The following CCDC171 variants were observed in gnomAD, a reference collection of about 807,000 sequenced individuals.
CCDC171 encodes the protein coiled-coil domain containing 171, also known as coiled-coil domain-containing protein 171.
A neutral mutation model predicts 168.2 loss-of-function variants in CCDC171; 177 were observed. That is an observed-to-expected ratio of 1.05 (90% CI 0.93 to 1.19). CCDC171 has a LOEUF of 1.19. CCDC171 is among the 50% of genes most tolerant of loss of function. The probability of loss-of-function intolerance (pLI) is 0.00; values close to 1 mark genes in which losing one functional copy is unlikely to be tolerated. For synonymous variants in CCDC171, 687 were observed against 540.8 expected (o/e 1.27, Z -3.75); for missense variants, 1,991 against 1,539.0 (o/e 1.29, Z -4.91).
In CCDC171 at chr9:15,559,152, AC is replaced by A. The variant is rs773966268; in HGVS notation, c.-111-4825del. ...TTTGCTGAGGAGTGCTTTACTTCCA[AC>A]TATGTGGTCAATTTTGGAATAAGTG... is the stretch of plus-strand genomic sequence containing the variant. On this transcript the variant is annotated intron_variant, in intron 1 of 25. Coordinates refer to ENST00000380701, the MANE Select transcript of CCDC171 (RefSeq NM_173550.4). Among the ~76,000 whole-genome samples, 31 of 152,124 alleles carry A rather than the reference AC, an allele frequency of 2.0e-4. 1 individual carries two copies. The highest frequency in any genetic ancestry group is 4.6e-4 in the Non-Finnish European group (31 of 68,002).
chr9:15,579,815 A>G (rs1215189822), intron 4 of CCDC171, among the ~76,000 whole-genome samples: 2 of 152,142 alleles, frequency 1.3e-5, no homozygotes, highest in Non-Finnish European at 2.9e-5. Context: ...CTTTGTATTG[A>G]TGTGTAGTAT....
chr9:16,023,743 A>T (rs1833220346), intron 6 of CCDC171, among the ~76,000 whole-genome samples: 1 of 151,938 alleles, frequency 6.6e-6, no homozygotes, highest in South Asian at 2.1e-4. Flanking sequence ...TCAGTATTTG[A>T]TCATCTCAAG....
At chr9:16,036,736 C>T (rs919839881) in intron 8 of CCDC171, among the ~76,000 whole-genome samples, 2 of 152,214 alleles carry the variant, frequency 1.3e-5, no homozygotes, top group Non-Finnish European at 2.9e-5. Context: ...AACCAAGAAT[C>T]CAATGCCTTA....
intron 11 of CCDC171, among the ~76,000 whole-genome samples, chr9:15,712,216 A>C (rs1404872223): frequency 6.6e-6 from 1 of 152,212 alleles, no homozygotes; most frequent in Non-Finnish European, 1.5e-5. Flanking sequence ...TTCAGATGTT[A>C]ATCTCCCTTG....
chr9:15,811,316 T>TA (rs1193539003), intron 21 of CCDC171, among the ~76,000 whole-genome samples: 3 of 152,204 alleles, frequency 2.0e-5, no homozygotes, highest in Non-Finnish European at 2.9e-5. Context: ...TATAATTAGA[T>TA]ACAGCATACC....
At chr9:15,557,048 T>G (rs1255934420) in intron 1 of CCDC171, among the ~76,000 whole-genome samples, 1 of 152,144 alleles carries the variant, frequency 6.6e-6, no homozygotes. Flanking sequence ...ATCAGATGGT[T>G]GTAGATGTGT....
intron 7 of CCDC171, among the ~76,000 whole-genome samples, chr9:15,644,286 A>G (rs1219985246): frequency 6.6e-6 from 1 of 152,178 alleles, no homozygotes; most frequent in African/African-American, 2.4e-5. Context: ...CCGAATAGGA[A>G]CAGCTCCAGT....
intron 24 of CCDC171, among the ~76,000 whole-genome samples, chr9:15,916,901 C>G (rs1824604257): frequency 1.3e-5 from 2 of 151,912 alleles, no homozygotes; most frequent in South Asian, 4.1e-4. Context: ...GATCTCACTG[C>G]ATGGTATAGT....
intron 11 of CCDC171, among the ~76,000 whole-genome samples, chr9:15,696,106 A>G (rs1017451254): frequency 1.1e-4 from 17 of 152,144 alleles, no homozygotes; most frequent in South Asian, 2.1e-4. Flanking sequence ...ACACAATTCT[A>G]TTCTTCAAAA....
upstream of CCDC171, among the ~76,000 whole-genome samples, chr9:16,039,273 T>A (rs550937933): frequency 6.6e-6 from 1 of 152,310 alleles, no homozygotes; most frequent in Admixed American, 6.5e-5. Context: ...GACTCCCTCA[T>A]GTGGCTGAGG....
chr9:15,910,762 AT>A (rs1563985556), intron 24 of CCDC171, among the ~76,000 whole-genome samples: 1 of 151,206 alleles, frequency 6.6e-6, no homozygotes, highest in Admixed American at 6.6e-5. Context: ...TGTTCTCATT[AT>A]TCAACTCCCA....
At chr9:16,049,153 A>G (rs888595188) in intron 1 of CCDC171, among the ~76,000 whole-genome samples, 1 of 152,152 alleles carries the variant, frequency 6.6e-6, no homozygotes, top group Non-Finnish European at 1.5e-5. Context: ...GGATTAGTAT[A>G]TTTTCAGTTG....
At chr9:15,679,443 C>T (rs765509795) in intron 10 of CCDC171, among the ~76,000 whole-genome samples, 1 of 152,132 alleles carries the variant, frequency 6.6e-6, no homozygotes, top group Non-Finnish European at 1.5e-5. Flanking sequence ...AATCTCAGGA[C>T]CTTTTCCTTT....
intron 11 of CCDC171, among the ~76,000 whole-genome samples, chr9:15,716,150 G>A (rs1238216835): frequency 2.0e-5 from 3 of 152,022 alleles, no homozygotes; most frequent in Non-Finnish European, 4.4e-5. Context: ...CTATGAATTT[G>A]ACCACTTTAG....
intron 25 of CCDC171, among the ~76,000 whole-genome samples, chr9:15,941,887 A>T (rs144447386): frequency 1.3e-5 from 2 of 152,024 alleles, no homozygotes; most frequent in African/African-American, 4.8e-5. Context: ...ACTTACATTC[A>T]GTTTTTATTA....
At chr9:15,673,189 G>A (rs1346808367) in intron 9 of CCDC171, among the ~76,000 whole-genome samples, 1 of 152,110 alleles carries the variant, frequency 6.6e-6, no homozygotes, top group Admixed American at 6.6e-5. Context: ...TGTGATTTTT[G>A]CACATTAATT....
intron 21 of CCDC171, among the ~76,000 whole-genome samples, chr9:15,842,619 C>T (rs1233204306): frequency 6.6e-6 from 1 of 151,772 alleles, no homozygotes; most frequent in Non-Finnish European, 1.5e-5. Context: ...AAAAAGACCT[C>T]TATTGGTGAT....
At chr9:16,098,649 G>C in the CCDC171 span, among the ~76,000 whole-genome samples, 1 of 152,194 alleles carries the variant, frequency 6.6e-6, no homozygotes, top group South Asian at 2.1e-4. Flanking sequence ...AAGGGATTAA[G>C]AGTGCTCCTA....
chr9:16,103,530 T>C, the CCDC171 span, among the ~76,000 whole-genome samples: 1 of 152,338 alleles, frequency 6.6e-6, no homozygotes, highest in South Asian at 2.1e-4. Flanking sequence ...CTTGTTTTCA[T>C]CTGCAGGAGG....
Sources: gnomAD v4.1 joint callset for allele counts (sites outside exome capture counted in the v4.1 genomes callset) on GRCh38, gnomAD v4.1.1 for gene constraint, MANE v1.5 for transcripts, NCBI Gene and HGNC (gene_info 2026-07-23, HGNC 2026-07-21) for gene names.